ATXN2: variants seen among roughly 807,000 people sequenced by gnomAD.
ATXN2 encodes the protein ataxin-2.
A neutral mutation model predicts 138.6 loss-of-function variants in ATXN2; 37 were observed. The observed-to-expected ratio is 0.27, with a 90% CI of 0.21 to 0.35. The LOEUF is 0.35. Among genes scored for constraint, ATXN2 ranks in the 10% least tolerant of loss-of-function variants. The pLI, the probability that ATXN2 is intolerant of heterozygous loss-of-function variation, is 1.00. For missense variants in ATXN2, 1,216 were observed against 1,480.3 expected, an observed-to-expected ratio of 0.82 and a Z score of 2.93; for synonymous variants, 549 against 543.7, an observed-to-expected ratio of 1.01 and a Z score of -0.13.
intron 21 of ATXN2, among the ~76,000 whole-genome samples, chr12:111,464,246 G>GT (rs2135664537): frequency 1.4e-5 from 2 of 139,138 alleles, no homozygotes; most frequent in East Asian, 5.1e-4. Flanking sequence ...TTGTGGCTTG[G>GT]GGTGTGTGTG....
At chr12:111,542,278 TG>T (rs1256109418) in intron 5 of ATXN2, among the ~76,000 whole-genome samples, 1 of 151,730 alleles carries the variant, frequency 6.6e-6, no homozygotes, top group Non-Finnish European at 1.5e-5. Context: ...TCACCCAGGC[TG>T]GAGTGCAGCA....
At chr12:111,466,602 C>A (rs1179809968) in intron 20 of ATXN2, among the ~76,000 whole-genome samples, 2 of 152,286 alleles carry the variant, frequency 1.3e-5, no homozygotes, top group Admixed American at 1.3e-4. Context: ...AAATAATTAT[C>A]CTATTTTATC....
At chr12:111,553,045 A>T (rs1395950759) in intron 3 of ATXN2, 68 bp from the exon 4 acceptor site, 1 of 1,122,312 alleles carries the variant, frequency 8.9e-7, no homozygotes. Context: ...ATTTGTTTTC[A>T]TTTTACTTTT....
intron 5 of ATXN2, among the ~76,000 whole-genome samples, chr12:111,535,377 CAA>C (rs1278089481): frequency 6.6e-6 from 1 of 152,098 alleles, no homozygotes; most frequent in Non-Finnish European, 1.5e-5. Context: ...GTAATCCCAG[CAA>C]TTTGGGAGCC....
At chr12:111,588,063 A>G (rs182626919) in intron 1 of ATXN2, among the ~76,000 whole-genome samples, 2 of 152,012 alleles carry the variant, frequency 1.3e-5, no homozygotes, top group East Asian at 3.9e-4. Context: ...GGGGCGCACC[A>G]GTAGTTCCAA....
intron 14 of ATXN2, among the ~76,000 whole-genome samples, chr12:111,507,821 G>A (rs372038431): frequency 1.2e-4 from 18 of 152,230 alleles, no homozygotes; most frequent in East Asian, 1.9e-4. Context: ...TACTAAGAAA[G>A]ATTCTTCTGC....
chr12:111,550,079 A>G (rs899558420), intron 5 of ATXN2, among the ~76,000 whole-genome samples: 41 of 149,218 alleles, frequency 2.7e-4, no homozygotes, highest in Non-Finnish European at 5.0e-4. Flanking sequence ...AAAAAAAAAA[A>G]GAGAGAGAAA....
Position 111,453,069 on chromosome 12 carries a change from TGTTCATG to T in ATXN2, c.3440-236_3440-230del. ...CTTCAGATAAAACTCCCAGAAGACT[TGTTCATG>T]GGGTAGAAAAAAAGGCCTTAACAAA... On this transcript the variant is annotated intron_variant, in intron 24 of 24. Transcript: ENST00000673436. The surrounding 1 kb of genome is among the most constrained non-coding windows in gnomAD (Gnocchi z 5.4). 1 of 1,289,740 alleles carries T rather than the reference TGTTCATG, an allele frequency of 7.8e-7. No individual in the cohort carries two copies. Among genetic ancestry groups the T allele is most frequent in the African/African-American group, 1.5e-5 (1 of 65,952 alleles). 79.9% of individuals were successfully genotyped at this position (1,289,740 alleles called of 1,614,324 possible). A position where few individuals can be genotyped will look rare whatever the true frequency, so the allele number is the denominator to read the frequency against.
chr12:111,462,719 C>G (rs1875669887), intron 21 of ATXN2, among the ~76,000 whole-genome samples: 1 of 152,086 alleles, frequency 6.6e-6, no homozygotes, highest in Non-Finnish European at 1.5e-5. Flanking sequence ...AGGACCTTAG[C>G]TACTTACCAG....
chr12:111,553,077 C>T (rs1882202597), intron 3 of ATXN2, 100 bp from the exon 4 acceptor site: 1 of 653,636 alleles, frequency 1.5e-6, no homozygotes, highest in East Asian at 3.1e-5. Context: ...AGGCTTCATT[C>T]AATATTAGGT....
chr12:111,488,261 C>T (rs1331261348), intron 15 of ATXN2, among the ~76,000 whole-genome samples: 1 of 151,760 alleles, frequency 6.6e-6, no homozygotes, highest in Non-Finnish European at 1.5e-5. Context: ...CCCTGGGGTA[C>T]AAAAAAGGGG....
At chr12:111,589,357 G>A (rs1276523672) in intron 1 of ATXN2, among the ~76,000 whole-genome samples, 1 of 149,906 alleles carries the variant, frequency 6.7e-6, no homozygotes, top group Non-Finnish European at 1.5e-5. Flanking sequence ...AACCAGCCAG[G>A]CATAGTGGCT....
At chr12:111,519,563 C>A (rs1051851463) in intron 8 of ATXN2, among the ~76,000 whole-genome samples, 2 of 152,162 alleles carry the variant, frequency 1.3e-5, no homozygotes, top group Non-Finnish European at 2.9e-5. Context: ...TTTGAACATG[C>A]CTTTAACCAA....
At chr12:111,586,543 G>C (rs1744585415) in intron 1 of ATXN2, among the ~76,000 whole-genome samples, 1 of 151,692 alleles carries the variant, frequency 6.6e-6, no homozygotes, top group Non-Finnish European at 1.5e-5. Flanking sequence ...ACATCACCAC[G>C]CCCATTTAAT....
At chr12:111,477,180 TAA>T (rs57940846) in intron 18 of ATXN2, among the ~76,000 whole-genome samples, 49 of 121,640 alleles carry the variant, frequency 4.0e-4, no homozygotes, top group African/African-American at 6.0e-4. Flanking sequence ...CTGTCTCTAC[TAA>T]AAAAAAAAAA....
At chr12:111,483,720 A>G (rs1368651862) in intron 18 of ATXN2, among the ~76,000 whole-genome samples, 1 of 152,122 alleles carries the variant, frequency 6.6e-6, no homozygotes, top group Non-Finnish European at 1.5e-5. Flanking sequence ...CCACACAAGC[A>G]CAGAATACTA....
chr12:111,520,111 C>T, intron 7 of ATXN2, 35 bp from the exon 8 acceptor site: 1 of 1,600,100 alleles, frequency 6.2e-7, no homozygotes, highest in Non-Finnish European at 8.5e-7. Flanking sequence ...AAAATGAGTC[C>T]TTTAAAGCCA....
intron 14 of ATXN2, 68 bp from the exon 15 acceptor site, chr12:111,488,848 A>G (rs1877819462): frequency 8.5e-6 from 11 of 1,295,466 alleles, no homozygotes; most frequent in Non-Finnish European, 1.2e-5. Context: ...TGCCATGAGC[A>G]CAAGCTACGT....
At chr12:111,555,742 G>T in intron 2 of ATXN2, 141 bp downstream of exon 2, 1 of 642,424 alleles carries the variant, frequency 1.6e-6, no homozygotes, top group Non-Finnish European at 2.7e-6. Flanking sequence ...ACACATATAG[G>T]CTAATAACAT....
Sources: gnomAD v4.1 joint callset for allele counts (sites outside exome capture counted in the v4.1 genomes callset) on GRCh38, gnomAD v4.1.1 for gene constraint, Gnocchi (gnomAD v3.1) non-coding constraint, MANE v1.5 for transcripts, NCBI Gene and HGNC (gene_info 2026-07-23, HGNC 2026-07-21) for gene names.